The following SNUPN variants were observed in gnomAD, a reference collection of about 807,000 sequenced individuals.
SNUPN encodes the protein snurportin 1.
A neutral mutation model predicts 39.2 loss-of-function variants in SNUPN; 31 were observed. The observed-to-expected ratio is 0.79, with a 90% CI of 0.59 to 1.07. The LOEUF is 1.07. SNUPN is among the 50% of genes least tolerant of loss of function. SNUPN has a pLI of 0.00. For synonymous variants in SNUPN, 132 were observed against 159.0 expected (o/e 0.83, Z 1.28); for missense variants, 382 against 434.2 (o/e 0.88, Z 1.07).
chr15:75,606,033 T>A (rs1394557796), intron 6 of SNUPN, among the ~76,000 whole-genome samples: 1 of 152,154 alleles, frequency 6.6e-6, no homozygotes, highest in Non-Finnish European at 1.5e-5. Context: ...TAATCCCAGC[T>A]ACTCAGAAGG....
intron 3 of SNUPN, among the ~76,000 whole-genome samples, chr15:75,616,421 G>A (rs1327820605): frequency 6.6e-6 from 1 of 151,804 alleles, no homozygotes; most frequent in Non-Finnish European, 1.5e-5. Flanking sequence ...TCGTACCACT[G>A]CACTCCAGCC....
intron 1 of SNUPN, among the ~76,000 whole-genome samples, chr15:75,623,447 C>G (rs1159475765): frequency 1.9e-5 from 2 of 107,546 alleles, no homozygotes; most frequent in Non-Finnish European, 3.7e-5. Context: ...CCACGCCCGG[C>G]CTTTTTTTTT....
intron 3 of SNUPN, among the ~76,000 whole-genome samples, chr15:75,616,086 A>G (rs1892925289): frequency 6.6e-6 from 1 of 152,068 alleles, no homozygotes. Context: ...TGTTATCTGT[A>G]CTGTATTTGG....
intron 3 of SNUPN, among the ~76,000 whole-genome samples, chr15:75,611,771 CT>C (rs1892788732): frequency 6.6e-6 from 1 of 151,840 alleles, no homozygotes; most frequent in Non-Finnish European, 1.5e-5. Context: ...GGGAGAATCA[CT>C]TGAAGCTGGG....
At chr15:75,624,741 T>C (rs763354011) in intron 1 of SNUPN, 52 of 1,281,180 alleles carry the variant, frequency 4.1e-5, no homozygotes, top group South Asian at 4.0e-4. Context: ...TCTTGGCGGG[T>C]TCCTGCTGTT....
At chr15:75,612,189 C>G (rs573759180) in intron 3 of SNUPN, among the ~76,000 whole-genome samples, 1 of 152,226 alleles carries the variant, frequency 6.6e-6, no homozygotes, top group Admixed American at 6.5e-5. Flanking sequence ...CACGCCACTA[C>G]GCCCGGCTCA....
chr15:75,604,060 C>A (rs962723746), intron 7 of SNUPN, among the ~76,000 whole-genome samples: 2 of 152,068 alleles, frequency 1.3e-5, no homozygotes, highest in Admixed American at 1.3e-4. Context: ...CTTCCCCTTC[C>A]TCAATGCATG....
chr15:75,624,998 A>C, intron 1 of SNUPN: 1 of 175,824 alleles, frequency 5.7e-6, no homozygotes, highest in Admixed American at 5.7e-5. Flanking sequence ...CTGGTCTCAA[A>C]CTCCTGACCT....
intron 3 of SNUPN, among the ~76,000 whole-genome samples, chr15:75,611,121 T>A (rs1047969938): frequency 6.8e-6 from 1 of 147,862 alleles, no homozygotes; most frequent in African/African-American, 2.5e-5. Context: ...TAAGCCAAGA[T>A]CACGCCACTG....
chr15:75,622,606 G>T, intron 1 of SNUPN: 1 of 561,202 alleles, frequency 1.8e-6, no homozygotes, highest in South Asian at 7.8e-5. Context: ...CTGCTGGGCT[G>T]GCCCAGCCCT....
chr15:75,603,923 T>C (rs1595982182), intron 7 of SNUPN, among the ~76,000 whole-genome samples: 1 of 152,158 alleles, frequency 6.6e-6, no homozygotes, highest in African/African-American at 2.4e-5. Context: ...TTAACCTCCA[T>C]ATACTTTCAT....
At chr15:75,618,117 A>C (rs1892982188) in intron 2 of SNUPN, among the ~76,000 whole-genome samples, 1 of 152,054 alleles carries the variant, frequency 6.6e-6, no homozygotes, top group African/African-American at 2.4e-5. Flanking sequence ...TATCTAAAGA[A>C]ATTTCCAAGG....
At chr15:75,609,719 C>A in intron 4 of SNUPN, 68 bp from the exon 5 acceptor site, 1 of 1,278,984 alleles carries the variant, frequency 7.8e-7, no homozygotes, top group Admixed American at 1.9e-5. Context: ...CCTCCTCATT[C>A]TGCAGGAATG....
chr15:75,603,521 C>G (rs1048127109), intron 7 of SNUPN, among the ~76,000 whole-genome samples: 1 of 150,938 alleles, frequency 6.6e-6, no homozygotes, highest in South Asian at 2.1e-4. Flanking sequence ...ATTAGCCGGT[C>G]GTGGTGGTGG....
intron 5 of SNUPN, among the ~76,000 whole-genome samples, chr15:75,608,032 A>C (rs1411819184): frequency 6.6e-6 from 1 of 152,154 alleles, no homozygotes; most frequent in Non-Finnish European, 1.5e-5. Flanking sequence ...TAGGGGAAAG[A>C]CATGGGATGG....
At chr15:75,626,192 A>G (rs1262694337), upstream of SNUPN, 1 of 152,266 alleles carries the variant, frequency 6.6e-6, no homozygotes, top group Admixed American at 6.5e-5. Flanking sequence ...AGTTTCAGAC[A>G]CAGACCTTCG....
At chr15:75,615,999 A>AT (rs1491518475) in intron 3 of SNUPN, among the ~76,000 whole-genome samples, 1 of 152,158 alleles carries the variant, frequency 6.6e-6, no homozygotes, top group Non-Finnish European at 1.5e-5. Flanking sequence ...TTCCCATGTC[A>AT]TAGCCTAGTT....
In SNUPN at chr15:75,621,011, A is replaced by G; in HGVS notation, c.41T>C (p.Val14Ala). 1 of 1,614,122 alleles carries G rather than the reference A, an allele frequency of 6.2e-7. No homozygotes were observed. The highest frequency in any genetic ancestry group is 8.5e-7 in the Non-Finnish European group (1 of 1,180,004). Residue 14 changes from valine (V) to alanine (A), a missense_variant, in exon 2 of 9, where the codon GTG becomes GCG. Physicochemically the swap from Val to Ala is moderately conservative, Grantham distance 64 (BLOSUM62 0). Coordinates refer to ENST00000308588, the MANE Select transcript of SNUPN (RefSeq NM_005701.4). ...LSQALASSFS[V>A]SQDLNSTAAP... ...AGCTGTGCTGTTCAGATCTTGAGACACAGAAAAGCTACTAGCCAGGGCCTG... is the reference window on the plus strand; with the variant it reads ...AGCTGTGCTGTTCAGATCTTGAGACGCAGAAAAGCTACTAGCCAGGGCCTG...
intron 3 of SNUPN, among the ~76,000 whole-genome samples, chr15:75,613,982 C>T (rs1310160219): frequency 6.6e-6 from 1 of 152,064 alleles, no homozygotes; most frequent in Non-Finnish European, 1.5e-5. Context: ...ACTTGTAGTA[C>T]AAGAATATTA....
Sources: allele counts gnomAD v4.1 joint callset (sites outside exome capture counted in the v4.1 genomes callset), GRCh38; gene constraint gnomAD v4.1.1; transcripts MANE v1.5; gene names NCBI Gene and HGNC (gene_info 2026-07-23, HGNC 2026-07-21).